ARHGAP42: variants seen among roughly 807,000 people sequenced by gnomAD.
The protein encoded by ARHGAP42 is Rho GTPase activating protein 42.
A neutral mutation model predicts 125.0 loss-of-function variants in ARHGAP42; 63 were observed. The ratio of observed to expected loss-of-function variants is 0.50; its 90% CI spans 0.41 to 0.62. The LOEUF (loss-of-function observed/expected upper bound fraction) is 0.62. Ranked by LOEUF, ARHGAP42 falls within the 20% of genes least tolerant of loss-of-function variation. The pLI, the probability that ARHGAP42 is intolerant of heterozygous loss-of-function variation, is 0.00. For synonymous variants in ARHGAP42, 339 were observed against 351.0 expected (o/e 0.97, Z 0.38); for missense variants, 766 against 1,024.2 (o/e 0.75, Z 3.44).
chr11:100,915,826 T>C (rs1867047025), intron 5 of ARHGAP42, among the ~76,000 whole-genome samples: 1 of 152,164 alleles, frequency 6.6e-6, no homozygotes, highest in Non-Finnish European at 1.5e-5. Flanking sequence ...GGGTATATAA[T>C]GTAGACAAGG....
At chr11:100,805,063 G>A (rs950789158) in intron 3 of ARHGAP42, among the ~76,000 whole-genome samples, 1 of 152,206 alleles carries the variant, frequency 6.6e-6, no homozygotes, top group Non-Finnish European at 1.5e-5. Context: ...TGCTGCAGTT[G>A]CTTCATGTGT....
chr11:100,757,027 TG>T (rs1186590432), intron 1 of ARHGAP42, among the ~76,000 whole-genome samples: 1 of 152,218 alleles, frequency 6.6e-6, no homozygotes, highest in Non-Finnish European at 1.5e-5. Context: ...AAGACATTTA[TG>T]GATTTTTATA....
intron 8 of ARHGAP42, among the ~76,000 whole-genome samples, chr11:100,940,285 A>G (rs1017289954): frequency 2.6e-5 from 4 of 152,200 alleles, no homozygotes; most frequent in African/African-American, 4.8e-5. Flanking sequence ...TCTTTTAAAC[A>G]TGGTTCTGAA....
intron 4 of ARHGAP42, among the ~76,000 whole-genome samples, chr11:100,872,376 A>G (rs938318755): frequency 6.6e-6 from 1 of 151,930 alleles, no homozygotes; most frequent in Non-Finnish European, 1.5e-5. Context: ...TTTCTTCCAA[A>G]TTAATGAGTT....
At chr11:100,717,395 T>C (rs1241349423) in intron 1 of ARHGAP42, among the ~76,000 whole-genome samples, 3 of 152,044 alleles carry the variant, frequency 2.0e-5, no homozygotes, top group African/African-American at 7.2e-5. Flanking sequence ...CCCAGCACTT[T>C]GGGAGGCCGA....
intron 7 of ARHGAP42, among the ~76,000 whole-genome samples, chr11:100,935,410 C>T (rs957055311): frequency 6.6e-6 from 1 of 152,058 alleles, no homozygotes; most frequent in Admixed American, 6.6e-5. Context: ...CGTGATGTTT[C>T]TTCAAAAATA....
At chr11:100,723,050 A>T (rs1185518144) in intron 1 of ARHGAP42, among the ~76,000 whole-genome samples, 1 of 152,116 alleles carries the variant, frequency 6.6e-6, no homozygotes, top group Non-Finnish European at 1.5e-5. Flanking sequence ...CATTTGTTTA[A>T]AAGACTGTCT....
intron 16 of ARHGAP42, among the ~76,000 whole-genome samples, 179 bp downstream of exon 16, chr11:100,962,646 G>A (rs768692434): frequency 2.0e-5 from 3 of 152,130 alleles, no homozygotes; most frequent in Non-Finnish European, 2.9e-5. Flanking sequence ...GGAGGCCAAG[G>A]CTGGCGGATC....
intron 1 of ARHGAP42, among the ~76,000 whole-genome samples, chr11:100,730,673 A>G (rs1333794892): frequency 6.6e-6 from 1 of 152,256 alleles, no homozygotes; most frequent in Non-Finnish European, 1.5e-5. Context: ...TTGCTTAAAT[A>G]GTAAGTCATA....
At chr11:100,750,866 A>G (rs1305794151) in intron 1 of ARHGAP42, among the ~76,000 whole-genome samples, 3 of 152,168 alleles carry the variant, frequency 2.0e-5, no homozygotes, top group Non-Finnish European at 2.9e-5. Flanking sequence ...CTCAAATCTA[A>G]CAACCACCTC....
chr11:100,779,273 C>G (rs1396278925), intron 2 of ARHGAP42, among the ~76,000 whole-genome samples: 3 of 150,682 alleles, frequency 2.0e-5, no homozygotes, highest in African/African-American at 7.3e-5. Flanking sequence ...ATGGAGAAAC[C>G]CCATCTCTAC....
chr11:100,894,096 T>G (rs1296527181), intron 4 of ARHGAP42, among the ~76,000 whole-genome samples: 2 of 152,230 alleles, frequency 1.3e-5, no homozygotes, highest in Admixed American at 6.5e-5. Flanking sequence ...TTAGACAGGT[T>G]GTATTCCAGT....
intron 1 of ARHGAP42, among the ~76,000 whole-genome samples, chr11:100,728,375 C>T (rs888141850): frequency 6.6e-6 from 1 of 152,036 alleles, no homozygotes; most frequent in Non-Finnish European, 1.5e-5. Context: ...TCCAGTTTAG[C>T]CAGGGGCTTA....
chr11:100,687,842 G>A lies in ARHGAP42; in HGVS notation c.154+10G>A. 6.5e-7 allele frequency: 1 copy of A among 1,541,282 alleles called. No individual in the cohort carries two copies. Among genetic ancestry groups the A allele is most frequent in the Non-Finnish European group, 8.8e-7 (1 of 1,140,598 alleles). ...ATTGGGGCGTTGAGGAGTAAGTAGGGCTGGCGGGGGAGTGGACACCCGCAT... is the reference window on the plus strand; with the variant it reads ...ATTGGGGCGTTGAGGAGTAAGTAGGACTGGCGGGGGAGTGGACACCCGCAT... On this transcript the variant is annotated intron_variant, in intron 1 of 23. Coordinates refer to ENST00000298815, the MANE Select transcript of ARHGAP42 (RefSeq NM_152432.4).
At chr11:100,748,061 A>G (rs555923521) in intron 1 of ARHGAP42, among the ~76,000 whole-genome samples, 1 of 150,622 alleles carries the variant, frequency 6.6e-6, no homozygotes, top group South Asian at 2.1e-4. Flanking sequence ...TAAACTGTCT[A>G]AGGCCACAGG....
Position 100,901,635 on chromosome 11 carries a change from C to G in ARHGAP42, c.385-11817C>G, listed in dbSNP as rs190758674. Among the ~76,000 whole-genome samples, 607 of 152,306 alleles carry G rather than the reference C, an allele frequency of 4.0e-3. 4 individuals carry two copies. The highest frequency in any genetic ancestry group is 0.014 in the African/African-American group (580 of 41,566). On this transcript the variant is annotated intron_variant, in intron 4 of 23. Transcript: ENST00000298815. ...CTCAGCAATGGTGGATGCCCCTCCCCCAGCCAGGCTGCCACCTCACTGTTT... is the reference window on the plus strand; with the variant it reads ...CTCAGCAATGGTGGATGCCCCTCCCGCAGCCAGGCTGCCACCTCACTGTTT...
chr11:100,743,727 A>G (rs1467434009), intron 1 of ARHGAP42, among the ~76,000 whole-genome samples: 1 of 152,094 alleles, frequency 6.6e-6, no homozygotes, highest in Non-Finnish European at 1.5e-5. Context: ...GCCATTTTTC[A>G]TAATCTCATA....
rs543817281 is a variant in ARHGAP42, at chr11:100,699,045, G to A, written c.154+11213G>A. ...TCTTCTTTCTTTCTCTTAAATGTTG[G>A]TGGTACCTTCTCAGCCCTTTCACTG... On this transcript the variant is annotated intron_variant, in intron 1 of 23. Coordinates refer to ENST00000298815, the MANE Select transcript of ARHGAP42 (RefSeq NM_152432.4). Among the ~76,000 whole-genome samples, 18 of 151,760 alleles carry A rather than the reference G, an allele frequency of 1.2e-4. No individual in the cohort carries two copies. In the South Asian group the frequency reaches 1.9e-3, roughly 16 times the overall value.
At chr11:100,838,961 T>G (rs1484765529) in intron 3 of ARHGAP42, among the ~76,000 whole-genome samples, 1 of 152,136 alleles carries the variant, frequency 6.6e-6, no homozygotes, top group Non-Finnish European at 1.5e-5. Context: ...GTTTTCCTAG[T>G]GTCCCAATGA....
Sources: allele counts gnomAD v4.1 joint callset (sites outside exome capture counted in the v4.1 genomes callset), GRCh38; gene constraint gnomAD v4.1.1; transcripts MANE v1.5; gene names NCBI Gene and HGNC (gene_info 2026-07-23, HGNC 2026-07-21).